REDIC1: variants seen among roughly 807,000 people sequenced by gnomAD.
REDIC1 encodes the protein regulator of DNA class I crossover intermediates 1, also known as HEI10 Interacting Protein 1.
chr12:39,646,473 C>T, the REDIC1 span: 1 of 1,551,302 alleles, frequency 6.4e-7, no homozygotes, highest in Non-Finnish European at 8.7e-7. Context: ...TAGGTTTTAG[C>T]TAGGATTTAT....
chr12:39,659,710 G>A, the REDIC1 span, among the ~76,000 whole-genome samples: 6 of 151,814 alleles, frequency 4.0e-5, no homozygotes, highest in Non-Finnish European at 5.9e-5. Flanking sequence ...ACTTGTCTAC[G>A]AATTCCATTA....
chr12:39,763,939 C>T, the REDIC1 span, among the ~76,000 whole-genome samples: 6 of 152,070 alleles, frequency 3.9e-5, no homozygotes, highest in Admixed American at 2.6e-4. Flanking sequence ...CACTGAAATG[C>T]ACAAGCACTG....
the REDIC1 span, among the ~76,000 whole-genome samples, chr12:39,723,367 A>G: frequency 1.3e-5 from 2 of 152,106 alleles, no homozygotes; most frequent in African/African-American, 4.8e-5. Flanking sequence ...TTTATGGTCT[A>G]TTCCCTAACT....
chr12:39,779,783 T>C, the REDIC1 span, among the ~76,000 whole-genome samples: 24 of 152,370 alleles, frequency 1.6e-4, no homozygotes, highest in Non-Finnish European at 2.6e-4. Context: ...AAAATCTATC[T>C]GTATCATCCT....
At chr12:39,893,714 T>C in the REDIC1 span, among the ~76,000 whole-genome samples, 2 of 152,366 alleles carry the variant, frequency 1.3e-5, no homozygotes, top group African/African-American at 4.8e-5. Context: ...GTGCTTTTTC[T>C]GGAGTGTGTG....
chr12:39,711,925 G>A, the REDIC1 span, among the ~76,000 whole-genome samples: 2 of 118,892 alleles, frequency 1.7e-5, no homozygotes, highest in Middle Eastern at 5.7e-3. Flanking sequence ...ACACATACAT[G>A]TCTATATGTA....
the REDIC1 span, among the ~76,000 whole-genome samples, chr12:39,656,027 G>T: frequency 9.6e-4 from 145 of 151,810 alleles, 2 homozygotes; most frequent in African/African-American, 3.2e-3. Context: ...TGTATTCCTG[G>T]GATAAATCCC....
the REDIC1 span, among the ~76,000 whole-genome samples, chr12:39,891,119 C>G: frequency 8.9e-6 from 1 of 111,848 alleles, no homozygotes; most frequent in South Asian, 2.9e-4. Context: ...TTCAAATATA[C>G]CTTTTTTTTT....
the REDIC1 span, chr12:39,760,119 A>T: frequency 6.2e-7 from 1 of 1,613,032 alleles, no homozygotes; most frequent in Non-Finnish European, 8.5e-7. Flanking sequence ...CAGAATCTGA[A>T]GTGCCACATG....
At chr12:39,710,384 T>C in the REDIC1 span, among the ~76,000 whole-genome samples, 2 of 151,830 alleles carry the variant, frequency 1.3e-5, no homozygotes, top group African/African-American at 4.8e-5. Flanking sequence ...CTTGAATCTT[T>C]TGCTGCTTCT....
At chr12:39,756,348 A>T in the REDIC1 span, 7 of 151,966 alleles carry the variant, frequency 4.6e-5, no homozygotes, top group Non-Finnish European at 8.9e-5. Flanking sequence ...TTTGGTAATT[A>T]AAAACTTGTC....
chr12:39,830,115 G>T, the REDIC1 span: 4 of 1,613,520 alleles, frequency 2.5e-6, no homozygotes, highest in Non-Finnish European at 2.5e-6. Flanking sequence ...GCCCCAGGCT[G>T]CCTCATTTGT....
chr12:39,895,201 C>T, the REDIC1 span, among the ~76,000 whole-genome samples: 1 of 151,924 alleles, frequency 6.6e-6, no homozygotes, highest in African/African-American at 2.4e-5. Context: ...GGGTCTGTTA[C>T]TCCTAAATGT....
At chr12:39,772,074 A>G in the REDIC1 span, among the ~76,000 whole-genome samples, 1 of 151,688 alleles carries the variant, frequency 6.6e-6, no homozygotes, top group Non-Finnish European at 1.5e-5. Flanking sequence ...ACTCCTTTTC[A>G]CTTTCCTCAT....
the REDIC1 span, chr12:39,721,135 G>C: frequency 6.2e-7 from 1 of 1,613,650 alleles, no homozygotes; most frequent in Non-Finnish European, 8.5e-7. Flanking sequence ...CATACAGTGT[G>C]ATCTAATTTC....
chr12:39,687,707 A>C, the REDIC1 span, among the ~76,000 whole-genome samples: 1 of 152,216 alleles, frequency 6.6e-6, no homozygotes, highest in Admixed American at 6.5e-5. Flanking sequence ...TTTCAACATG[A>C]AAATGCTTTA....
the REDIC1 span, among the ~76,000 whole-genome samples, chr12:39,640,489 C>T: frequency 2.6e-4 from 40 of 151,964 alleles, no homozygotes; most frequent in Middle Eastern, 3.4e-3. Context: ...GATATATTAA[C>T]GTAACTGATG....
At chr12:39,739,128 A>G in the REDIC1 span, among the ~76,000 whole-genome samples, 266 of 152,292 alleles carry the variant, frequency 1.7e-3, no homozygotes, top group Middle Eastern at 3.4e-3. Flanking sequence ...TTTACTTGGA[A>G]TTAATTTCAT....
the REDIC1 span, among the ~76,000 whole-genome samples, chr12:39,687,292 A>C: frequency 6.6e-6 from 1 of 152,220 alleles, no homozygotes; most frequent in Non-Finnish European, 1.5e-5. Context: ...CATTGCTATA[A>C]AAAATACTTG....
Sources: allele counts gnomAD v4.1 joint callset (sites outside exome capture counted in the v4.1 genomes callset), GRCh38; gene constraint gnomAD v4.1.1; transcripts MANE v1.5; gene names NCBI Gene and HGNC (gene_info 2026-07-23, HGNC 2026-07-21).